Variants in KANK1 observed in about 807,000 individuals in gnomAD.
The protein encoded by KANK1 is KN motif and ankyrin repeat domains 1.
A neutral mutation model predicts 106.2 loss-of-function variants in KANK1; 109 were observed. The ratio of observed to expected loss-of-function variants is 1.03; its 90% CI spans 0.88 to 1.20. KANK1 has a LOEUF of 1.20. KANK1 is among the 50% of genes most tolerant of loss of function. KANK1 has a pLI of 0.00. For missense variants in KANK1, 2,399 were observed against 1,710.7 expected (o/e 1.40, Z -7.10); for synonymous variants, 873 against 652.2 (o/e 1.34, Z -5.16).
intron 2 of KANK1, among the ~76,000 whole-genome samples, chr9:686,418 A>G (rs1192621660): frequency 6.6e-6 from 1 of 152,190 alleles, no homozygotes; most frequent in Non-Finnish European, 1.5e-5. Flanking sequence ...GAGCTTATGC[A>G]GCATGTACCC....
chr9:741,291 C>T (rs1197738802), intron 9 of KANK1, among the ~76,000 whole-genome samples: 11 of 151,824 alleles, frequency 7.2e-5, no homozygotes, highest in African/African-American at 1.7e-4. Flanking sequence ...TCATAGCAAA[C>T]AGTGTCCCAG....
In KANK1 at chr9:594,839, C is replaced by T. The variant is rs781647091; in HGVS notation, c.-83-82051C>T. ...AATCTGGAGAGTTCAGATTCCCTGT[C>T]TCTCCTCTTTCAACCTTTAATGTAT... On this transcript the variant is annotated intron_variant, in intron 1 of 11. Coordinates refer to ENST00000382297, the MANE Select transcript of KANK1 (RefSeq NM_015158.5). Among the ~76,000 whole-genome samples the T allele has an allele frequency of 5.2e-4, 79 of 151,904 alleles. 1 individual carries two copies. The highest frequency in any genetic ancestry group is 7.2e-4 in the Non-Finnish European group (49 of 68,004).
chr9:655,044 A>G (rs1042340849), intron 1 of KANK1, among the ~76,000 whole-genome samples: 1 of 152,078 alleles, frequency 6.6e-6, no homozygotes, highest in Non-Finnish European at 1.5e-5. Context: ...GATTAGTTCA[A>G]TTGGTCTTTG....
intron 7 of KANK1, 79 bp from the exon 8 acceptor site, chr9:738,206 G>C (rs1018215532): frequency 1.7e-6 from 2 of 1,152,530 alleles, no homozygotes; most frequent in Admixed American, 2.1e-5. Context: ...ACTATAAAAG[G>C]ACAGGTTACT....
chr9:599,905 G>T (rs2135813840), intron 1 of KANK1, among the ~76,000 whole-genome samples: 1 of 151,868 alleles, frequency 6.6e-6, no homozygotes, highest in Non-Finnish European at 1.5e-5. Context: ...TGATCATTTA[G>T]TGTGGTGTTG....
chr9:594,343 G>C (rs976910888), intron 1 of KANK1, among the ~76,000 whole-genome samples: 19 of 151,890 alleles, frequency 1.3e-4, no homozygotes, highest in African/African-American at 4.6e-4. Context: ...GATTGACAGA[G>C]GCTGGCTGGA....
intron 1 of KANK1, among the ~76,000 whole-genome samples, chr9:545,519 T>C (rs1194638521): frequency 6.6e-6 from 1 of 152,040 alleles, no homozygotes; most frequent in Non-Finnish European, 1.5e-5. Context: ...AAGAGCAACC[T>C]GCAAAGGAGA....
At chr9:555,966 AATC>A (rs1341971538) in intron 1 of KANK1, among the ~76,000 whole-genome samples, 2 of 152,246 alleles carry the variant, frequency 1.3e-5, no homozygotes, top group African/African-American at 4.8e-5. Context: ...CATTTAAAGT[AATC>A]ATTAAACATT....
In KANK1 at chr9:596,296, C is replaced by T. The variant is rs572245883; in HGVS notation, c.-83-80594C>T. ...TAAATATTTTTTGAGTTCCTACCCA[C>T]ATCCCTGTGTATGGGCTCTAGAAGC... On this transcript the variant is annotated intron_variant, in intron 1 of 11. Coordinates refer to ENST00000382297, the MANE Select transcript of KANK1 (RefSeq NM_015158.5). Among the ~76,000 whole-genome samples the T allele has an allele frequency of 6.8e-4, 103 of 152,002 alleles. 5 individuals are homozygous for T. The highest frequency in any genetic ancestry group is 2.4e-3 in the African/African-American group (97 of 41,264).
Position 603,299 on chromosome 9 carries a change from T to A in KANK1, c.-83-73591T>A, listed in dbSNP as rs796104607. Among the ~76,000 whole-genome samples the A allele has an allele frequency of 4.6e-5, 7 of 151,996 alleles. 1 individual carries two copies. Among genetic ancestry groups the A allele is most frequent in the African/African-American group, 1.7e-4 (7 of 41,252 alleles). The stretch of plus-strand genomic sequence containing the variant: ...AGATAAAGCCTAGTATTGAATTGTT[T>A]TCAGTTCAGAAACGTGGCTGGCTGA... On this transcript the variant is annotated intron_variant, in intron 1 of 11. Coordinates refer to ENST00000382297, the MANE Select transcript of KANK1 (RefSeq NM_015158.5).
rs114076603 is a variant in KANK1 at position 711,399 on chromosome 9, G to C, written c.633G>C (p.Gln211His). The C allele has an allele frequency of 5.4e-4, 868 of 1,614,158 alleles. 4 individuals are homozygous for C. In the African/African-American group the frequency reaches 0.011, roughly 20 times the overall value. The change falls in exon 3 of 12, where the codon CAG (glutamine) becomes CAC (histidine). Residue 211 changes from glutamine (Q) to histidine (H), a missense_variant. Physicochemically the swap from Gln to His is conservative, Grantham distance 24. Coordinates refer to ENST00000382297, the MANE Select transcript of KANK1 (RefSeq NM_015158.5). Reference sequence around the variant, plus strand: ...GAAACCACAATCCTGCCAAGCACCAGCTTCAGAATGGATACCAAGGTAATG... The same window carrying C: ...GAAACCACAATCCTGCCAAGCACCACCTTCAGAATGGATACCAAGGTAATG... ...GSGNHNPAKH[Q>H]LQNGYQGNGD...
intron 1 of KANK1, among the ~76,000 whole-genome samples, chr9:602,093 C>A (rs139084680): frequency 2.0e-5 from 3 of 151,852 alleles, no homozygotes; most frequent in Non-Finnish European, 4.4e-5. Flanking sequence ...AATGCACATA[C>A]CCTGTAGAAA....
At chr9:487,427 A>G (rs1342293755) in intron 3 of KANK1, among the ~76,000 whole-genome samples, 3 of 152,212 alleles carry the variant, frequency 2.0e-5, no homozygotes, top group Non-Finnish European at 2.9e-5. Context: ...AGGCTAAGCT[A>G]TGATGTTTGG....
chr9:700,118 G>T (rs1822281380), intron 2 of KANK1, among the ~76,000 whole-genome samples: 1 of 152,234 alleles, frequency 6.6e-6, no homozygotes, highest in South Asian at 2.1e-4. Context: ...GCACGTGGCA[G>T]GTGCCCATCA....
At chr9:697,875 C>G (rs79581686) in intron 2 of KANK1, among the ~76,000 whole-genome samples, 1 of 152,226 alleles carries the variant, frequency 6.6e-6, no homozygotes, top group Non-Finnish European at 1.5e-5. Context: ...AGACTAATAA[C>G]TGGTAGGCGG....
chr9:709,558 C>G (rs1825333865), intron 2 of KANK1, among the ~76,000 whole-genome samples: 1 of 151,442 alleles, frequency 6.6e-6, no homozygotes, highest in African/African-American at 2.4e-5. Context: ...GTCTATATTC[C>G]AAGAGACTGT....
chr9:607,659 G>A (rs757559594), intron 1 of KANK1, among the ~76,000 whole-genome samples: 12 of 151,664 alleles, frequency 7.9e-5, no homozygotes, highest in Non-Finnish European at 1.5e-4. Flanking sequence ...GGCTAGCCTT[G>A]TTCTCTTCAC....
intron 2 of KANK1, chr9:707,333 G>C (rs908575870): frequency 1.2e-5 from 8 of 643,822 alleles, no homozygotes; most frequent in Non-Finnish European, 1.5e-5. Context: ...GGGAAGGTGC[G>C]CACTGCTGGG....
Position 713,261 on chromosome 9 carries a change from A to G in KANK1, c.2495A>G (p.Lys832Arg). 6.2e-7 allele frequency: 1 copy of G among 1,612,036 alleles called. No individual in the cohort carries two copies. The change falls in exon 3 of 12, where the codon AAG (lysine) becomes AGG (arginine). Residue 832 changes from lysine (K) to arginine (R), a missense_variant. Lys to Arg is a conservative substitution (Grantham distance 26). Coordinates refer to ENST00000382297, the MANE Select transcript of KANK1 (RefSeq NM_015158.5). ...GATCACTACATTGAGCGTATCCAGA[A>G]GCTGCTGGCAGAACAGCAGACACTG... ...GLDHYIERIQ[K>R]LLAEQQTLLA...
Sources: allele counts gnomAD v4.1 joint callset (sites outside exome capture counted in the v4.1 genomes callset), GRCh38; gene constraint gnomAD v4.1.1; transcripts MANE v1.5; gene names NCBI Gene and HGNC (gene_info 2026-07-23, HGNC 2026-07-21).